Variants in FGF12 observed in about 807,000 individuals in gnomAD.
FGF12 encodes the protein fibroblast growth factor 12B.
FGF12 carries 14 observed loss-of-function variants against 23.6 expected under a neutral mutation model. The observed-to-expected ratio is 0.59, with a 90% CI of 0.39 to 0.93. FGF12 has a LOEUF of 0.93. FGF12 is among the 40% of genes least tolerant of loss of function. The pLI is 0.00. For synonymous variants in FGF12, 62 were observed against 77.3 expected, an observed-to-expected ratio of 0.80 and a Z score of 1.04; for missense variants, 175 against 217.8, an observed-to-expected ratio of 0.80 and a Z score of 1.24.
chr3:192,154,612 C>T (rs969863403), intron 5 of FGF12, among the ~76,000 whole-genome samples: 2 of 151,196 alleles, frequency 1.3e-5, no homozygotes, highest in Admixed American at 1.3e-4. Flanking sequence ...CGGTGCCTCC[C>T]AGTTAGGCTG....
intron 2 of FGF12, among the ~76,000 whole-genome samples, chr3:192,584,774 C>T (rs1713304857): frequency 6.6e-6 from 1 of 152,038 alleles, no homozygotes; most frequent in African/African-American, 2.4e-5. Flanking sequence ...GCTCTCTCTG[C>T]TTGGCTAAGA....
chr3:192,468,096 A>T (rs1415860479), intron 2 of FGF12, among the ~76,000 whole-genome samples: 1 of 152,168 alleles, frequency 6.6e-6, no homozygotes, highest in African/African-American at 2.4e-5. Context: ...CTTTTGCATG[A>T]ATACATAAGA....
chr3:192,608,615 A>G (rs371248873), intron 2 of FGF12, among the ~76,000 whole-genome samples: 140 of 152,256 alleles, frequency 9.2e-4, no homozygotes, highest in Middle Eastern at 3.4e-3. Context: ...TATTAGGCAG[A>G]GCCCAGAACA....
intron 2 of FGF12, among the ~76,000 whole-genome samples, chr3:192,650,177 T>C (rs1182250887): frequency 1.3e-5 from 2 of 152,226 alleles, no homozygotes; most frequent in African/African-American, 4.8e-5. Flanking sequence ...AAATTACACA[T>C]ACTCCAAACT....
At chr3:192,301,362 G>T (rs1393504467) in intron 4 of FGF12, among the ~76,000 whole-genome samples, 1 of 152,172 alleles carries the variant, frequency 6.6e-6, no homozygotes, top group African/African-American at 2.4e-5. Flanking sequence ...AAATAGCCAA[G>T]AGCTACTAAT....
chr3:192,328,884 T>C lies in FGF12; in HGVS notation c.228+6477A>G, dbSNP rs939458098. ...TGAGATGTGGTAGACTTTCAATCAG[T>C]ATGTATTGAACAAATTTTAGGTTTA... On this transcript the variant is annotated intron_variant, in intron 4 of 5. Transcript: ENST00000445105. 6.6e-5 allele frequency among the ~76,000 whole-genome samples: 10 copies of C among 152,216 alleles called. No individual in the cohort carries two copies. The East Asian group carries it at 1.7e-3, about 26-fold the overall frequency.
intron 3 of FGF12, among the ~76,000 whole-genome samples, chr3:192,344,709 A>T (rs1383397585): frequency 6.6e-6 from 1 of 152,184 alleles, no homozygotes; most frequent in Non-Finnish European, 1.5e-5. Flanking sequence ...AGGTAGTAGA[A>T]ATATTTGCCT....
intron 2 of FGF12, among the ~76,000 whole-genome samples, chr3:192,429,641 G>A (rs890363343): frequency 6.6e-6 from 1 of 152,144 alleles, no homozygotes; most frequent in African/African-American, 2.4e-5. Context: ...AAGAAAGCTG[G>A]TTAGATATTA....
At chr3:192,263,801 A>C (rs73193526) in intron 4 of FGF12, among the ~76,000 whole-genome samples, 8 of 152,108 alleles carry the variant, frequency 5.3e-5, no homozygotes, top group Admixed American at 2.6e-4. Context: ...CCAGTAAGAC[A>C]TTACTTAATA....
At chr3:192,493,534 C>T (rs1346676714) in intron 2 of FGF12, among the ~76,000 whole-genome samples, 1 of 152,114 alleles carries the variant, frequency 6.6e-6, no homozygotes, top group African/African-American at 2.4e-5. Context: ...TAAAGAAATA[C>T]CTGAGCCTGG....
At chr3:192,252,959 T>G (rs1334011985) in intron 4 of FGF12, among the ~76,000 whole-genome samples, 1 of 152,114 alleles carries the variant, frequency 6.6e-6, no homozygotes, top group African/African-American at 2.4e-5. Flanking sequence ...AATAAGAAAC[T>G]AAATCACATC....
chr3:192,714,728 C>T (rs1718810943), intron 2 of FGF12, among the ~76,000 whole-genome samples: 2 of 151,858 alleles, frequency 1.3e-5, no homozygotes, highest in Non-Finnish European at 2.9e-5. Flanking sequence ...TCGTTTTAGC[C>T]GGGATGGTCT....
intron 4 of FGF12, among the ~76,000 whole-genome samples, chr3:192,326,205 A>G (rs893567325): frequency 6.6e-6 from 1 of 152,218 alleles, no homozygotes; most frequent in Non-Finnish European, 1.5e-5. Flanking sequence ...AACAAATTCT[A>G]ACAAAAGAAA....
chr3:192,549,138 G>C (rs1423891915), intron 2 of FGF12, among the ~76,000 whole-genome samples: 1 of 152,138 alleles, frequency 6.6e-6, no homozygotes, highest in African/African-American at 2.4e-5. Context: ...TGCTATCAAA[G>C]CTGTTGAAAG....
intron 2 of FGF12, among the ~76,000 whole-genome samples, chr3:192,662,759 T>C (rs1383824849): frequency 6.6e-6 from 1 of 152,226 alleles, no homozygotes; most frequent in Non-Finnish European, 1.5e-5. Context: ...CATTTTCCCT[T>C]ATTTCATTTT....
intron 4 of FGF12, among the ~76,000 whole-genome samples, chr3:192,257,910 T>C (rs575600154): frequency 6.6e-6 from 1 of 151,960 alleles, no homozygotes; most frequent in Admixed American, 6.6e-5. Flanking sequence ...CTGAGAGGGC[T>C]TGACATGCAG....
intron 4 of FGF12, among the ~76,000 whole-genome samples, chr3:192,210,362 G>C (rs1036942597): frequency 7.9e-5 from 12 of 151,994 alleles, no homozygotes; most frequent in African/African-American, 2.9e-4. Flanking sequence ...ACTACCCAAG[G>C]CTATGGGAGA....
chr3:192,374,414 A>G (rs921226601), intron 2 of FGF12, among the ~76,000 whole-genome samples: 3 of 152,226 alleles, frequency 2.0e-5, no homozygotes, highest in African/African-American at 7.2e-5. Context: ...GAAAACATCT[A>G]TATGTACCAC....
At chr3:192,365,646 TC>T (rs1248272904) in intron 2 of FGF12, among the ~76,000 whole-genome samples, 2 of 152,024 alleles carry the variant, frequency 1.3e-5, no homozygotes, top group Admixed American at 6.6e-5. Flanking sequence ...AATGTTTTCC[TC>T]AAAGAGGCTG....
Sources: allele counts gnomAD v4.1 joint callset (sites outside exome capture counted in the v4.1 genomes callset), GRCh38; gene constraint gnomAD v4.1.1; transcripts MANE v1.5; gene names NCBI Gene and HGNC (gene_info 2026-07-23, HGNC 2026-07-21).